CSMD1: variants seen among roughly 807,000 people sequenced by gnomAD.
CSMD1 encodes CUB and sushi domain-containing protein 1.
A neutral mutation model predicts 417.5 loss-of-function variants in CSMD1; 213 were observed. That is an observed-to-expected ratio of 0.51 (90% CI 0.46 to 0.57). The LOEUF (loss-of-function observed/expected upper bound fraction) is 0.57, where lower values mean the gene tolerates loss of function less well. Among genes scored for constraint, CSMD1 ranks in the 20% least tolerant of loss-of-function variants. The pLI, the probability that CSMD1 is intolerant of heterozygous loss-of-function variation, is 0.00. For missense variants in CSMD1, 6,923 were observed against 4,529.7 expected (o/e 1.53, Z -15.17); for synonymous variants, 2,862 against 1,736.8 (o/e 1.65, Z -16.11).
intron 26 of CSMD1, among the ~76,000 whole-genome samples, chr8:3,272,840 G>A (rs370599970): frequency 2.0e-4 from 30 of 150,724 alleles, no homozygotes; most frequent in Admixed American, 4.6e-4. Flanking sequence ...GGCTGAGACA[G>A]TGGGGTTTTC....
At chr8:3,769,720 T>C (rs2129058455) in intron 5 of CSMD1, among the ~76,000 whole-genome samples, 1 of 152,324 alleles carries the variant, frequency 6.6e-6, no homozygotes, top group East Asian at 1.9e-4. Flanking sequence ...TGAGTGAACA[T>C]ACCATTACTT....
chr8:4,163,098 A>G (rs1584938007), intron 3 of CSMD1, among the ~76,000 whole-genome samples: 1 of 152,184 alleles, frequency 6.6e-6, no homozygotes, highest in Non-Finnish European at 1.5e-5. Flanking sequence ...ATAATATTCC[A>G]TTGTCTGATA....
At position 3,223,886 on chromosome 8, in the gene CSMD1, T is replaced by TACAGAGAAAAAGTAAGG; in HGVS notation, c.4346-36_4346-20dup. ...CAAGCAGCTGTCACAGAACAAAAGT[T>TACAGAGAAAAAGTAAGG]ACAGAGAAAAAGTAAGGACAGCGAA... On this transcript the variant is annotated intron_variant, in intron 27 of 69. Transcript: ENST00000635120. 7.4e-6 allele frequency: 12 copies of TACAGAGAAAAAGTAAGG among 1,612,888 alleles called. No individual in the cohort carries two copies. Among genetic ancestry groups the TACAGAGAAAAAGTAAGG allele is most frequent in the Non-Finnish European group, 1.0e-5 (12 of 1,179,284 alleles).
chr8:3,363,181 G>C (rs1809312033), intron 20 of CSMD1, among the ~76,000 whole-genome samples: 1 of 152,098 alleles, frequency 6.6e-6, no homozygotes, highest in African/African-American at 2.4e-5. Context: ...TCCATTCCCT[G>C]CTTCACAATC....
intron 3 of CSMD1, among the ~76,000 whole-genome samples, chr8:4,086,879 T>C (rs1800449390): frequency 6.6e-6 from 1 of 152,222 alleles, no homozygotes. Flanking sequence ...GAGAGTAAAC[T>C]GCAAGTAAAT....
chr8:3,493,572 G>C (rs7845810), intron 11 of CSMD1, 51 bp downstream of exon 11: 2 of 1,457,250 alleles, frequency 1.4e-6, no homozygotes, highest in Non-Finnish European at 1.9e-6. Flanking sequence ...TCCACCCACC[G>C]TGCCCCGCAC....
intron 1 of CSMD1, among the ~76,000 whole-genome samples, chr8:4,725,587 T>C (rs1009482635): frequency 2.0e-5 from 3 of 152,126 alleles, no homozygotes; most frequent in African/African-American, 7.2e-5. Flanking sequence ...AGAAGCAACA[T>C]GGGGCGCGTC....
chr8:4,084,676 G>C (rs931868777), intron 3 of CSMD1, among the ~76,000 whole-genome samples: 1 of 152,078 alleles, frequency 6.6e-6, no homozygotes, highest in African/African-American at 2.4e-5. Flanking sequence ...AGTAGGGAAA[G>C]CACTAGCAAT....
intron 10 of CSMD1, among the ~76,000 whole-genome samples, chr8:3,502,033 T>A (rs1371023437): frequency 6.6e-6 from 1 of 152,196 alleles, no homozygotes. Context: ...CATAACCAAC[T>A]ATATGCTTAT....
At chr8:3,630,617 G>C (rs1796734261) in intron 7 of CSMD1, among the ~76,000 whole-genome samples, 1 of 152,188 alleles carries the variant, frequency 6.6e-6, no homozygotes, top group Non-Finnish European at 1.5e-5. Context: ...TGTTGGGCTG[G>C]CATGCTGAGT....
intron 6 of CSMD1, among the ~76,000 whole-genome samples, chr8:3,719,094 G>T (rs118079172): frequency 6.6e-6 from 1 of 152,144 alleles, no homozygotes; most frequent in Non-Finnish European, 1.5e-5. Flanking sequence ...TGTCTCAGAC[G>T]ATTCGCAAAT....
chr8:4,022,935 G>C (rs527793686), intron 4 of CSMD1, among the ~76,000 whole-genome samples: 4 of 152,280 alleles, frequency 2.6e-5, no homozygotes, highest in East Asian at 1.9e-4. Flanking sequence ...AGTAATGAGA[G>C]AAAAATAAGG....
chr8:4,029,854 A>T (rs1359215443), intron 4 of CSMD1, among the ~76,000 whole-genome samples: 1 of 152,104 alleles, frequency 6.6e-6, no homozygotes. Context: ...ATGCAGGCAC[A>T]AGAATTGGGT....
chr8:3,011,655 C>A (rs1201534575), intron 52 of CSMD1, among the ~76,000 whole-genome samples: 1 of 152,108 alleles, frequency 6.6e-6, no homozygotes, highest in Admixed American at 6.6e-5. Context: ...ATGATAATGT[C>A]CTCTATGTGG....
rs1810552755 is a variant in CSMD1 at position 4,740,778 on chromosome 8, T to G, written c.86-103220A>C. 2.0e-5 allele frequency among the ~76,000 whole-genome samples: 3 copies of G among 152,106 alleles called. No individual in the cohort carries two copies. In the South Asian group the frequency reaches 6.2e-4, roughly 31 times the overall value. ...AAAATAAATGTTCTACCTCTTCTCTTAGGTATATTTTCAAAGCACAGGTAT... is the reference window on the plus strand; with the variant it reads ...AAAATAAATGTTCTACCTCTTCTCTGAGGTATATTTTCAAAGCACAGGTAT... On this transcript the variant is annotated intron_variant, in intron 1 of 69. Coordinates refer to ENST00000635120, the MANE Select transcript of CSMD1 (RefSeq NM_033225.6).
intron 7 of CSMD1, among the ~76,000 whole-genome samples, chr8:3,637,367 T>C (rs1328994659): frequency 1.3e-5 from 2 of 152,168 alleles, no homozygotes; most frequent in Non-Finnish European, 2.9e-5. Context: ...TTGGGCAACA[T>C]AAAGACCTGA....
rs1401849094 is a variant in CSMD1, at chr8:3,243,286, G to C, written c.4154-13055C>G. Among the ~76,000 whole-genome samples the C allele has an allele frequency of 3.3e-5, 5 of 152,114 alleles. No individual in the cohort carries two copies. The South Asian group carries it at 8.3e-4, about 25-fold the overall frequency. ...GGAGAACAGGGGATTGATCTCCCAA[G>C]GGAGGTCCCCCGATCCGAGTCACAG... On this transcript the variant is annotated intron_variant, in intron 26 of 69. Coordinates refer to ENST00000635120, the MANE Select transcript of CSMD1 (RefSeq NM_033225.6).
intron 7 of CSMD1, among the ~76,000 whole-genome samples, chr8:3,654,841 C>T (rs960273267): frequency 1.3e-5 from 2 of 152,122 alleles, no homozygotes; most frequent in African/African-American, 2.4e-5. Context: ...GAACACATCA[C>T]CTGCTCTACC....
chr8:4,252,024 T>A (rs866781039), intron 3 of CSMD1, among the ~76,000 whole-genome samples: 1 of 152,116 alleles, frequency 6.6e-6, no homozygotes, highest in Non-Finnish European at 1.5e-5. Flanking sequence ...ATTTTTGAGT[T>A]GTGTTTACTT....
Sources: allele counts gnomAD v4.1 joint callset (sites outside exome capture counted in the v4.1 genomes callset), GRCh38; gene constraint gnomAD v4.1.1; transcripts MANE v1.5; gene names NCBI Gene and HGNC (gene_info 2026-07-23, HGNC 2026-07-21).